GRIP1: variants seen among roughly 807,000 people sequenced by gnomAD.
The protein encoded by GRIP1 is glutamate receptor interacting protein 1, also known as glutamate receptor-interacting protein 1.
A neutral mutation model predicts 129.9 loss-of-function variants in GRIP1; 45 were observed. The ratio of observed to expected loss-of-function variants is 0.35; its 90% CI spans 0.27 to 0.44. GRIP1 has a LOEUF of 0.44. Ranked by LOEUF, GRIP1 falls within the 20% of genes least tolerant of loss-of-function variation. GRIP1 has a pLI of 1.00. For synonymous variants in GRIP1, 530 were observed against 520.8 expected (o/e 1.02, Z -0.24); for missense variants, 1,196 against 1,396.8 (o/e 0.86, Z 2.29).
At chr12:66,886,447 C>T (rs778408283) in intron 1 of GRIP1, among the ~76,000 whole-genome samples, 1 of 152,084 alleles carries the variant, frequency 6.6e-6, no homozygotes, top group Non-Finnish European at 1.5e-5. Flanking sequence ...TCTGCATATC[C>T]CTGAAGCCCA....
intron 1 of GRIP1, among the ~76,000 whole-genome samples, chr12:66,957,577 T>C (rs529189284): frequency 6.6e-6 from 1 of 152,216 alleles, no homozygotes; most frequent in East Asian, 1.9e-4. Flanking sequence ...GTTTTGAGGG[T>C]TACAGGTCAG....
intron 1 of GRIP1, among the ~76,000 whole-genome samples, chr12:66,776,247 A>T (rs2037975360): frequency 1.3e-5 from 2 of 152,230 alleles, no homozygotes; most frequent in South Asian, 4.1e-4. Context: ...ACTGTCACCT[A>T]CATAGGTATC....
intron 1 of GRIP1, among the ~76,000 whole-genome samples, chr12:66,752,043 T>TGATAA (rs1345264434): frequency 3.9e-5 from 6 of 152,204 alleles, no homozygotes; most frequent in African/African-American, 1.4e-4. Flanking sequence ...TAGATTATCA[T>TGATAA]TCTCACTGGC....
intron 1 of GRIP1, among the ~76,000 whole-genome samples, chr12:67,013,184 C>T (rs577950306): frequency 1.3e-5 from 2 of 152,180 alleles, no homozygotes; most frequent in Admixed American, 6.6e-5. Flanking sequence ...TTCAAAGACA[C>T]AATAGACTTG....
intron 1 of GRIP1, among the ~76,000 whole-genome samples, chr12:66,643,079 G>T (rs1230619370): frequency 6.6e-6 from 1 of 152,194 alleles, no homozygotes; most frequent in Non-Finnish European, 1.5e-5. Context: ...CAGCAGATTG[G>T]CATGGATTAA....
chr12:66,420,658 G>C (rs1368627567), intron 15 of GRIP1, 62 bp downstream of exon 15: 2 of 886,220 alleles, frequency 2.3e-6, no homozygotes, highest in East Asian at 2.4e-5. Context: ...GGTGTGGAAG[G>C]TGTCATGTTT....
chr12:66,906,582 GA>G (rs1435498033), intron 1 of GRIP1, among the ~76,000 whole-genome samples: 1 of 152,246 alleles, frequency 6.6e-6, no homozygotes, highest in African/African-American at 2.4e-5. Context: ...AGAAAGGCAG[GA>G]TACTGGCCTC....
chr12:67,069,209 C>CCGGGGCTGTTCAG, upstream of GRIP1: 1 of 671,942 alleles, frequency 1.5e-6, no homozygotes, highest in African/African-American at 2.0e-5. Context: ...GGCAGCCGCG[C>CCGGGGCTGTTCAG]CGGGGCTGTT....
chr12:66,958,732 A>T (rs892075085), intron 1 of GRIP1, among the ~76,000 whole-genome samples: 1 of 152,208 alleles, frequency 6.6e-6, no homozygotes, highest in Non-Finnish European at 1.5e-5. Context: ...TATTGCTTCT[A>T]TGTATTTAGG....
intron 1 of GRIP1, among the ~76,000 whole-genome samples, chr12:66,871,153 GTCT>G: frequency 6.6e-6 from 1 of 152,140 alleles, no homozygotes; most frequent in Non-Finnish European, 1.5e-5. Context: ...GGGAAGAGGG[GTCT>G]TCTGGCCTTT....
rs56259335 is a variant in GRIP1 at position 66,838,187 on chromosome 12, T to TAAAAAA, written c.58+230857_58+230862dup. On this transcript the variant is annotated intron_variant, in intron 1 of 1. Coordinates refer to the GRIP1 transcript ENST00000643019. ...GCAGGTGACAGAGAAAGACTCCACCTAAAAAAAAAAAAAAAATCGAGCAGG... is the reference window on the plus strand; with the variant it reads ...GCAGGTGACAGAGAAAGACTCCACCTAAAAAAAAAAAAAAAAAAAAAATCGAGCAGG... Among the ~76,000 whole-genome samples the TAAAAAA allele has an allele frequency of 5.8e-4, 80 of 137,506 alleles. 1 individual carries two copies. The highest frequency in any genetic ancestry group is 5.0e-4 in the African/African-American group (18 of 36,222). The allele number at this position is 137,506 out of a possible 152,430, so 90.2% of individuals were successfully genotyped here. A position where few individuals can be genotyped will look rare whatever the true frequency, so the allele number is the denominator to read the frequency against.
chr12:66,640,918 A>G (rs956790883), intron 1 of GRIP1, among the ~76,000 whole-genome samples: 1 of 152,218 alleles, frequency 6.6e-6, no homozygotes, highest in African/African-American at 2.4e-5. Context: ...TTCCTTATAC[A>G]ACAAGAACAG....
intron 1 of GRIP1, among the ~76,000 whole-genome samples, chr12:66,776,055 T>C (rs1433959097): frequency 6.6e-6 from 1 of 152,182 alleles, no homozygotes. Flanking sequence ...CAATCCTCTG[T>C]CCAAATCCAG....
intron 1 of GRIP1, among the ~76,000 whole-genome samples, chr12:66,913,293 A>G (rs1592948880): frequency 1.3e-5 from 2 of 152,338 alleles, no homozygotes; most frequent in South Asian, 4.1e-4. Context: ...AACTTATCTA[A>G]TCACAATGTC....
chr12:66,788,442 T>C (rs1044215391), intron 1 of GRIP1, among the ~76,000 whole-genome samples: 5 of 151,948 alleles, frequency 3.3e-5, no homozygotes, highest in Non-Finnish European at 7.4e-5. Flanking sequence ...CTCCTAGTGT[T>C]GAATACTAGG....
chr12:66,614,219 T>C (rs993529315), intron 1 of GRIP1, among the ~76,000 whole-genome samples: 41 of 152,012 alleles, frequency 2.7e-4, no homozygotes, highest in African/African-American at 9.4e-4. Flanking sequence ...TGCTAAAAGC[T>C]CTCATGTTTA....
At chr12:66,448,660 A>T (rs57528791) in intron 11 of GRIP1, among the ~76,000 whole-genome samples, 9,787 of 152,180 alleles carry the variant, frequency 0.064, 851 homozygotes, top group East Asian at 0.19. Flanking sequence ...TTGGCTCCTC[A>T]AACTCAATGT....
At chr12:66,763,479 A>T (rs1472043131) in intron 1 of GRIP1, among the ~76,000 whole-genome samples, 2 of 152,194 alleles carry the variant, frequency 1.3e-5, no homozygotes, top group African/African-American at 2.4e-5. Flanking sequence ...ATTCCCCAGG[A>T]CTCAGCTTGA....
At chr12:66,960,169 T>A (rs565476113) in intron 1 of GRIP1, among the ~76,000 whole-genome samples, 1 of 152,104 alleles carries the variant, frequency 6.6e-6, no homozygotes, top group Non-Finnish European at 1.5e-5. Flanking sequence ...CTTGTTGACA[T>A]TTACTGTTTG....
Sources: gnomAD v4.1 joint callset for allele counts (sites outside exome capture counted in the v4.1 genomes callset) on GRCh38, gnomAD v4.1.1 for gene constraint, MANE v1.5 for transcripts, NCBI Gene and HGNC (gene_info 2026-07-23, HGNC 2026-07-21) for gene names.